The following NCL variants were observed in gnomAD, a reference collection of about 807,000 sequenced individuals.
The protein encoded by NCL is nucleolin multifunctional protein.
Under a neutral mutation model 77.7 loss-of-function variants are expected in NCL, and 4 were observed. That is an observed-to-expected ratio of 0.05 (90% confidence interval 0.03 to 0.12). The LOEUF (loss-of-function observed/expected upper bound fraction) is 0.12, where lower values mean the gene tolerates loss of function less well. Among genes scored for constraint, NCL ranks in the 10% least tolerant of loss-of-function variants. The pLI, the probability that NCL is intolerant of heterozygous loss-of-function variation, is 1.00. For missense variants in NCL, 763 were observed against 860.9 expected (o/e 0.89, Z 1.42); for synonymous variants, 344 against 297.8 (o/e 1.16, Z -1.60).
rs1004274688 is a variant in NCL at position 231,454,872 on chromosome 2, CA to C, written c.*318del. 21 of 154,394 alleles carry C rather than the reference CA, an allele frequency of 1.4e-4. No individual in the cohort carries two copies. The highest frequency in any genetic ancestry group is 4.0e-4 in the East Asian group (3 of 7,518). 9.6% of individuals were successfully genotyped at this position (154,394 alleles called of 1,614,324 possible). On this transcript the variant is annotated 3_prime_UTR_variant, in exon 14 of 14. Transcript: ENST00000322723. ...AAAAAAAAAAAAAACAAAAACAAAA[CA>C]AAAAAAAGAAACAACAACAAAACCC...
chr2:231,460,952 G>A (rs1012509294), intron 3 of NCL, 86 bp from the exon 4 acceptor site: 2 of 1,102,628 alleles, frequency 1.8e-6, no homozygotes, highest in African/African-American at 1.5e-5. Flanking sequence ...ATGCAATCCT[G>A]TCACCATGTT....
At chr2:231,462,814 T>C (rs1048089885) in intron 2 of NCL, among the ~76,000 whole-genome samples, 1 of 152,194 alleles carries the variant, frequency 6.6e-6, no homozygotes, top group African/African-American at 2.4e-5. Flanking sequence ...TATAATGGAA[T>C]GGAGACCAAT....
At chr2:231,464,170 A>C in intron 1 of NCL, 166 bp downstream of exon 1, 1 of 1,424,318 alleles carries the variant, frequency 7.0e-7, no homozygotes, top group South Asian at 1.4e-5. Flanking sequence ...CTCGCCACCA[A>C]GTAGCCAGAA....
Position 231,454,060 on chromosome 2 carries a change from G to A in NCL, c.*1131C>T, listed in dbSNP as rs1312684664. 1 of 140,842 alleles carries A rather than the reference G, an allele frequency of 7.1e-6. No homozygotes were observed. The highest frequency in any genetic ancestry group is 1.6e-5 in the Non-Finnish European group (1 of 62,654). 8.7% of individuals were successfully genotyped at this position (140,842 alleles called of 1,614,324 possible). Reference sequence around the variant, plus strand: ...GCAATATACGTAGTGCAGAACAAATGGCTTTTTGGGGGTTTACTGGATGGG... The same window carrying A: ...GCAATATACGTAGTGCAGAACAAATAGCTTTTTGGGGGTTTACTGGATGGG... On this transcript the variant is annotated 3_prime_UTR_variant, in exon 14 of 14. Transcript: ENST00000322723.
chr2:231,461,436 A>G (rs775053276), intron 3 of NCL, 104 bp downstream of exon 3: 1 of 1,513,726 alleles, frequency 6.6e-7, no homozygotes, highest in East Asian at 2.3e-5. Context: ...TCCCACAAGG[A>G]TTCTAATCTC....
chr2:231,464,460 C>A lies in NCL; in HGVS notation c.-107G>T, dbSNP rs983536490. The A allele has an allele frequency of 4.5e-5, 65 of 1,444,280 alleles. No individual in the cohort carries two copies. The highest frequency in any genetic ancestry group is 1.1e-4 in the African/African-American group (8 of 70,852). The allele number at this position is 1,444,280 out of a possible 1,614,324, so 89.5% of individuals were successfully genotyped here. A position where few individuals can be genotyped will look rare whatever the true frequency, so the allele number is the denominator to read the frequency against. ...CTGAAGATCCCGGAGCACGTACACCCGAAGGCCAGCGAGAGCTCGAGACTG... is the reference window on the plus strand; with the variant it reads ...CTGAAGATCCCGGAGCACGTACACCAGAAGGCCAGCGAGAGCTCGAGACTG... On this transcript the variant is annotated 5_prime_UTR_variant, in exon 1 of 14. Transcript: ENST00000322723.
intron 2 of NCL, 106 bp from the exon 3 acceptor site, chr2:231,462,123 C>A: frequency 7.4e-7 from 1 of 1,352,178 alleles, no homozygotes; most frequent in Non-Finnish European, 1.0e-6. Flanking sequence ...TGGTTCAAGA[C>A]CACATGCACT....
intron 13 of NCL, 22 bp downstream of exon 13, chr2:231,455,379 T>C: frequency 6.2e-7 from 1 of 1,613,878 alleles, no homozygotes; most frequent in East Asian, 2.2e-5. Flanking sequence ...CTATGTGGTG[T>C]CATTATCTCT....
At chr2:231,459,172 A>G (rs953048635) in intron 6 of NCL, 47 bp from the exon 7 acceptor site, 19 of 1,499,362 alleles carry the variant, frequency 1.3e-5, no homozygotes, top group Non-Finnish European at 1.5e-5. Flanking sequence ...GAAAACACAA[A>G]TCAAAATCCA....
intron 5 of NCL, 57 bp downstream of exon 5, chr2:231,460,421 T>G: frequency 6.3e-7 from 1 of 1,589,476 alleles, no homozygotes; most frequent in Non-Finnish European, 8.6e-7. Flanking sequence ...TAAGTCCCTT[T>G]GTTATTCATC....
At position 231,460,878 on chromosome 2, in the gene NCL, G is replaced by C; in HGVS notation, c.614-12C>G. On this transcript the variant is annotated splice_polypyrimidine_tract_variant and intron_variant, in intron 3 of 13. Transcript: ENST00000322723. ...TTCTTCTTCAGAGTCTGAAAGAGAAGTCACCTAAAAATTGCAGCAATCTCC... is the reference window on the plus strand; with the variant it reads ...TTCTTCTTCAGAGTCTGAAAGAGAACTCACCTAAAAATTGCAGCAATCTCC... The C allele has an allele frequency of 6.2e-7, 1 of 1,609,654 alleles. No individual in the cohort carries two copies. The highest frequency in any genetic ancestry group is 1.1e-5 in the South Asian group (1 of 90,920).
intron 6 of NCL, among the ~76,000 whole-genome samples, chr2:231,459,577 C>T (rs893063708): frequency 4.0e-5 from 6 of 151,772 alleles, no homozygotes; most frequent in African/African-American, 1.5e-4. Context: ...GCAACCTCTG[C>T]CTCCCAGGTT....
In NCL at chr2:231,456,411, C is replaced by A. The variant is rs565955745; in HGVS notation, c.1705+220G>T. The stretch of plus-strand genomic sequence containing the variant: ...GGGCCCAGTGGATGGGGCAGGAAAT[C>A]ATGGGCAAACTTGCTACTCTGAGTT... On this transcript the variant is annotated intron_variant, in intron 11 of 13. Coordinates refer to ENST00000322723, the MANE Select transcript of NCL (RefSeq NM_005381.3). 2.4e-5 allele frequency: 24 copies of A among 997,964 alleles called. No individual in the cohort carries two copies. In the East Asian group the frequency reaches 5.7e-4, roughly 24 times the overall value. 61.8% of individuals were successfully genotyped at this position (997,964 alleles called of 1,614,324 possible).
chr2:231,460,158 A>T lies in NCL; in HGVS notation c.1034T>A (p.Met345Lys). 1 of 1,612,698 alleles carries T rather than the reference A, an allele frequency of 6.2e-7. No individual in the cohort carries two copies. Among genetic ancestry groups the T allele is most frequent in the Non-Finnish European group, 8.5e-7 (1 of 1,179,820 alleles). Reference sequence around the variant, plus strand: ...CGTGCAGTGAAGCACTTACCTAGTCATACCAATTCTGACATCCACAACAGC... The same window carrying T: ...CGTGCAGTGAAGCACTTACCTAGTCTTACCAATTCTGACATCCACAACAGC... ...DLAVVDVRIG[M>K]TRKFGYVDFE... Residue 345 changes from methionine to lysine, a missense_variant, in exon 6 of 14, where the codon ATG (methionine) becomes AAG (lysine). By Grantham distance (95) the Met-to-Lys change is moderately conservative. Transcript: ENST00000322723.
intron 1 of NCL, 87 bp downstream of exon 1, chr2:231,464,249 T>A: frequency 1.3e-6 from 2 of 1,524,706 alleles, no homozygotes; most frequent in South Asian, 2.4e-5. Context: ...CGCCCGGGAC[T>A]GCGCGCAGGC....
chr2:231,455,205 T>A lies in NCL; in HGVS notation c.2119A>T (p.Thr707Ser). ...AGGGACAGAAGCTATTCAAACTTCG[T>A]CTTCTTTCCTTGTGGCTTGTGGTCA... The part of the protein sequence containing the change: ...GGDHKPQGKK[T>S]KFE The change falls in exon 14 of 14, where the codon ACG (threonine) becomes TCG (serine). Residue 707 changes from threonine (T) to serine (S), a missense_variant. Transcript: ENST00000322723. The A allele has an allele frequency of 6.2e-7, 1 of 1,614,254 alleles. No individual in the cohort carries two copies. Among genetic ancestry groups the A allele is most frequent in the East Asian group, 2.2e-5 (1 of 44,888 alleles).
intron 3 of NCL, 96 bp downstream of exon 3, chr2:231,461,444 C>T: frequency 1.7e-5 from 26 of 1,526,622 alleles, no homozygotes; most frequent in Non-Finnish European, 2.3e-5. Context: ...GGATTCTAAT[C>T]TCATCTCCAG....
In NCL at chr2:231,453,534, G is replaced by A. The variant is rs545656534; in HGVS notation, c.*1657C>T. On this transcript the variant is annotated 3_prime_UTR_variant, in exon 14 of 14. Transcript: ENST00000322723. ...ACCTAATCCACAACACGCCTGATGG[G>A]CTTCAATTAACTGAGCTTTTAATTC... The A allele has an allele frequency of 3.1e-5, 5 of 158,952 alleles. No individual in the cohort carries two copies. The highest frequency in any genetic ancestry group is 1.2e-4 in the African/African-American group (5 of 41,844). 9.8% of individuals were successfully genotyped at this position (158,952 alleles called of 1,614,324 possible). A position where few individuals can be genotyped will look rare whatever the true frequency, so the allele number is the denominator to read the frequency against.
Position 231,456,420 on chromosome 2 carries a change from ACTTG to A in NCL, c.1705+207_1705+210del, listed in dbSNP as rs2046888656. On this transcript the variant is annotated intron_variant, in intron 11 of 13. Coordinates refer to ENST00000322723, the MANE Select transcript of NCL (RefSeq NM_005381.3). ...GGATGGGGCAGGAAATCATGGGCAA[ACTTG>A]CTACTCTGAGTTGACACAGCTGGAT... 2.3e-5 allele frequency: 24 copies of A among 1,034,650 alleles called. No homozygotes were observed. In the East Asian group the frequency reaches 5.7e-4, roughly 25 times the overall value. The allele number at this position is 1,034,650 out of a possible 1,614,324, so 64.1% of individuals were successfully genotyped here.
Sources: gnomAD v4.1 joint callset for allele counts (sites outside exome capture counted in the v4.1 genomes callset) on GRCh38, gnomAD v4.1.1 for gene constraint, MANE v1.5 for transcripts, NCBI Gene and HGNC (gene_info 2026-07-23, HGNC 2026-07-21) for gene names.